INKA2: variants seen among roughly 807,000 people sequenced by gnomAD.
The protein encoded by INKA2 is PAK4-inhibitor INKA2.
Under a neutral mutation model 9.8 loss-of-function variants are expected in INKA2, and 3 were observed. The observed-to-expected ratio is 0.31, with a 90% confidence interval of 0.14 to 0.79. INKA2 has a LOEUF of 0.79. Ranked by LOEUF, INKA2 falls within the 30% of genes least tolerant of loss-of-function variation. The probability of loss-of-function intolerance (pLI) is 0.62; values close to 1 mark genes in which losing one functional copy is unlikely to be tolerated. For missense variants in INKA2, 392 were observed against 384.4 expected (o/e 1.02, Z -0.17); for synonymous variants, 147 against 143.3 (o/e 1.03, Z -0.18).
At chr1:111,744,570 C>CTT (rs3085877) in intron 1 of INKA2, 16,951 of 140,990 alleles carry the variant, frequency 0.12, 2,513 homozygotes, top group African/African-American at 0.35. Flanking sequence ...TGCCATCACT[C>CTT]TTTTTTTTTT....
chr1:111,731,836 T>A (rs1357210219), intron 1 of INKA2, among the ~76,000 whole-genome samples: 1 of 152,256 alleles, frequency 6.6e-6, no homozygotes, highest in Non-Finnish European at 1.5e-5. Context: ...TAGCACATAG[T>A]AATGACAGGG....
chr1:111,736,361 T>G (rs1341793704), intron 1 of INKA2, among the ~76,000 whole-genome samples: 2 of 152,148 alleles, frequency 1.3e-5, no homozygotes, highest in Non-Finnish European at 2.9e-5. Context: ...ACAATGAAAT[T>G]TTCTGCTTCA....
chr1:111,727,178 C>G lies in INKA2; in HGVS notation c.684G>C (p.Glu228Asp). The change falls in exon 2 of 2, where the codon GAG becomes GAC. Residue 228 changes from glutamate to aspartate, a missense_variant. Coordinates refer to ENST00000357260, the MANE Select transcript of INKA2 (RefSeq NM_019099.5). Reference protein sequence around the residue: ...VRPDRDRLLKEKPGWVTPMVP... With the variant: ...VRPDRDRLLKDKPGWVTPMVP... ...CCATGGGTGTCACCCAGCCTGGCTT[C>G]TCCTTCAGCAGCCGGTCACGGTCAG... The G allele has an allele frequency of 6.2e-7, 1 of 1,614,244 alleles. No individual in the cohort carries two copies. The highest frequency in any genetic ancestry group is 8.5e-7 in the Non-Finnish European group (1 of 1,180,050).
chr1:111,735,677 A>T (rs1206130953), intron 1 of INKA2, among the ~76,000 whole-genome samples: 1 of 152,214 alleles, frequency 6.6e-6, no homozygotes, highest in East Asian at 1.9e-4. Context: ...TTTCTGCCTC[A>T]GGAAATTTGC....
chr1:111,737,570 T>C lies in INKA2; in HGVS notation c.57+1616A>G, dbSNP rs534976042. On this transcript the variant is annotated intron_variant, in intron 1 of 1. Transcript: ENST00000357260. ...CTGTGATGACCTTGAGCTTTCTTTC[T>C]GGTACTGCACACATAAATGGAAAAA... Among the ~76,000 whole-genome samples the C allele has an allele frequency of 6.6e-5, 10 of 152,316 alleles. No individual in the cohort carries two copies. In the South Asian group the frequency reaches 2.1e-3, roughly 32 times the overall value.
chr1:111,726,234 T>C lies in INKA2; in HGVS notation c.*734A>G, dbSNP rs1438018563. 2.5e-6 allele frequency: 1 copy of C among 392,352 alleles called. No homozygotes were observed. The highest frequency in any genetic ancestry group is 4.5e-6 in the Non-Finnish European group (1 of 222,336). The allele number at this position is 392,352 out of a possible 1,614,324, so 24.3% of individuals were successfully genotyped here. A position where few individuals can be genotyped will look rare whatever the true frequency, so the allele number is the denominator to read the frequency against. ...TCACTTTCAAATGAGACCATGGAGATGAAAAGGCATTCAAACAGCCCAGTG... is the reference window on the plus strand; with the variant it reads ...TCACTTTCAAATGAGACCATGGAGACGAAAAGGCATTCAAACAGCCCAGTG... On this transcript the variant is annotated 3_prime_UTR_variant, in exon 2 of 2. Transcript: ENST00000357260.
intron 1 of INKA2, chr1:111,753,748 G>A (rs1208186044): frequency 1.3e-5 from 2 of 152,164 alleles, no homozygotes; most frequent in Admixed American, 6.5e-5. Context: ...CTGGCCTGGA[G>A]GGCCTAGGAT....
At chr1:111,738,455 C>G (rs989329100) in intron 1 of INKA2, among the ~76,000 whole-genome samples, 1 of 151,992 alleles carries the variant, frequency 6.6e-6, no homozygotes, top group African/African-American at 2.4e-5. Flanking sequence ...TCCGAACGCT[C>G]CCTGCGCACT....
At position 111,755,781 on chromosome 1, in the gene INKA2, C is replaced by T. The variant is rs1262482817; in HGVS notation, n.44G>A. ...TTGTGTGTCTGGGCAGTCTCTCAGC[C>T]TCCGACTCCCGTCCCTTTCTTCCAC... On this transcript the variant is annotated non_coding_transcript_exon_variant, in exon 1 of 2. Coordinates refer to the INKA2 transcript ENST00000444059. 15 of 1,611,496 alleles carry T rather than the reference C, an allele frequency of 9.3e-6. No individual in the cohort carries two copies. The Admixed American group carries it at 1.7e-4, about 18-fold the overall frequency.
At position 111,727,330 on chromosome 1, in the gene INKA2, C is replaced by G; in HGVS notation, c.532G>C (p.Gly178Arg). 2.5e-6 allele frequency: 4 copies of G among 1,614,208 alleles called. No homozygotes were observed. The highest frequency in any genetic ancestry group is 3.4e-6 in the Non-Finnish European group (4 of 1,180,038). ...CCCCCAGTCTCACCCTTCTCCCCAC[C>G]CTTCTCCAGTTCTGGCAAGTCTAGC... ...NWLDLPELEK[G>R]GEKGETGGAR... Residue 178 changes from glycine (G) to arginine (R), a missense_variant, in exon 2 of 2, where the codon GGT becomes CGT. By Grantham distance (125) the Gly-to-Arg change is moderately radical. Transcript: ENST00000357260.
intron 1 of INKA2, chr1:111,746,629 T>C (rs930199644): frequency 6.6e-6 from 1 of 152,250 alleles, no homozygotes; most frequent in Non-Finnish European, 1.5e-5. Flanking sequence ...ACAGAAAGAC[T>C]GGAAGAAAAG....
At chr1:111,732,426 T>G (rs1557910479) in intron 1 of INKA2, among the ~76,000 whole-genome samples, 1 of 152,114 alleles carries the variant, frequency 6.6e-6, no homozygotes, top group Non-Finnish European at 1.5e-5. Flanking sequence ...AGCCTCTTAC[T>G]GTCTTGGAGC....
intron 1 of INKA2, among the ~76,000 whole-genome samples, chr1:111,736,585 T>C (rs1355861665): frequency 6.6e-6 from 1 of 152,172 alleles, no homozygotes; most frequent in African/African-American, 2.4e-5. Context: ...CTGAAATAAA[T>C]GAATATAGAA....
chr1:111,726,334 C>T lies in INKA2; in HGVS notation c.*634G>A. The T allele has an allele frequency of 2.8e-6, 1 of 356,276 alleles. No homozygotes were observed. Among genetic ancestry groups the T allele is most frequent in the South Asian group, 1.5e-4 (1 of 6,676 alleles). The allele number at this position is 356,276 out of a possible 1,614,324, so 22.1% of individuals were successfully genotyped here. ...AGGGCTTCCCTGGCTGCTCCTTACA[C>T]ACTGTACTCCTTATTCAGCTCATTT... On this transcript the variant is annotated 3_prime_UTR_variant, in exon 2 of 2. Coordinates refer to ENST00000357260, the MANE Select transcript of INKA2 (RefSeq NM_019099.5).
chr1:111,741,654 C>G (rs904438051), upstream of INKA2, among the ~76,000 whole-genome samples: 14 of 152,342 alleles, frequency 9.2e-5, no homozygotes, highest in African/African-American at 3.4e-4. Flanking sequence ...TCTCCAGTCT[C>G]CAGCACGGTA....
intron 1 of INKA2, among the ~76,000 whole-genome samples, chr1:111,737,938 T>TA (rs1663041250): frequency 6.6e-6 from 1 of 152,168 alleles, no homozygotes; most frequent in African/African-American, 2.4e-5. Context: ...AGCTGGCCCC[T>TA]AACACACTGC....
At position 111,727,008 on chromosome 1, in the gene INKA2, G is replaced by A. The variant is rs1187381057; in HGVS notation, c.854C>T (p.Ser285Leu). Residue 285 changes from serine to leucine, a missense_variant, in exon 2 of 2, where the codon TCA becomes TTA. Coordinates refer to ENST00000357260, the MANE Select transcript of INKA2 (RefSeq NM_019099.5). The part of the protein sequence containing the change: ...PTSCPKALEH[S>L]PSGFDINTAV... ...TGTGTTAATATCAAATCCTGAGGGT[G>A]AGTGCTCCAGGGCCTTGGGGCAGCT... 1 of 1,613,818 alleles carries A rather than the reference G, an allele frequency of 6.2e-7. No individual in the cohort carries two copies. Among genetic ancestry groups the A allele is most frequent in the Non-Finnish European group, 8.5e-7 (1 of 1,179,998 alleles).
chr1:111,755,705 T>A (rs1344129200), exon 1 of INKA2: 1 of 1,613,832 alleles, frequency 6.2e-7, no homozygotes, highest in Admixed American at 1.7e-5. Context: ...ACTCACCAGT[T>A]GCCTCATCTT....
chr1:111,750,514 C>G (rs56393545), intron 1 of INKA2, among the ~76,000 whole-genome samples: 2 of 152,050 alleles, frequency 1.3e-5, no homozygotes, highest in African/African-American at 4.8e-5. Context: ...TGAAAGTACC[C>G]GTGGCTAGGC....
Sources: gnomAD v4.1 joint callset for allele counts (sites outside exome capture counted in the v4.1 genomes callset) on GRCh38, gnomAD v4.1.1 for gene constraint, MANE v1.5 for transcripts, NCBI Gene and HGNC (gene_info 2026-07-23, HGNC 2026-07-21) for gene names.